The following UBA5 variants were observed in gnomAD, a reference collection of about 807,000 sequenced individuals.
The protein encoded by UBA5 is ubiquitin-like modifier-activating enzyme 5.
Under a neutral mutation model 52.9 loss-of-function variants are expected in UBA5, and 28 were observed. That is an observed-to-expected ratio of 0.53 (90% confidence interval 0.39 to 0.73). The LOEUF is 0.73. UBA5 is among the 30% of genes least tolerant of loss of function. The pLI, the probability that UBA5 is intolerant of heterozygous loss-of-function variation, is 0.00. For missense variants in UBA5, 388 were observed against 492.7 expected, an observed-to-expected ratio of 0.79 and a Z score of 2.01; for synonymous variants, 135 against 162.1, an observed-to-expected ratio of 0.83 and a Z score of 1.27.
rs1483941209 is a variant in UBA5, at chr3:132,676,837, T to C, written c.*311T>C. On this transcript the variant is annotated 3_prime_UTR_variant, in exon 12 of 12. Transcript: ENST00000356232. This position sits in a 1 kb window ranked among gnomAD's most constrained non-coding sequence, Gnocchi z 4.1. Reference sequence around the variant, plus strand: ...TGGGGGAAGGACAAATCTGATCCTGTAATCTTTTTCTTTCCAGTAATCCCT... The same window carrying C: ...TGGGGGAAGGACAAATCTGATCCTGCAATCTTTTTCTTTCCAGTAATCCCT... 12 of 470,908 alleles carry C rather than the reference T, an allele frequency of 2.5e-5. No homozygotes were observed. Among genetic ancestry groups the C allele is most frequent in the Non-Finnish European group, 3.4e-5 (8 of 236,664 alleles). 29.2% of individuals were successfully genotyped at this position (470,908 alleles called of 1,614,324 possible).
chr3:132,676,791 A>C lies in UBA5; in HGVS notation c.*265A>C. 1 of 511,352 alleles carries C rather than the reference A, an allele frequency of 2.0e-6. No homozygotes were observed. Among genetic ancestry groups the C allele is most frequent in the South Asian group, 1.5e-5 (1 of 65,030 alleles). 31.7% of individuals were successfully genotyped at this position (511,352 alleles called of 1,614,324 possible). On this transcript the variant is annotated 3_prime_UTR_variant, in exon 12 of 12. Coordinates refer to ENST00000356232, the MANE Select transcript of UBA5 (RefSeq NM_024818.6). The surrounding 1 kb of genome is among the most constrained non-coding windows in gnomAD (Gnocchi z 4.1). ...ATCTTACTTGAAAACATAGCTGTTG[A>C]AATGTTTTGGCCTTTTGGAGTGGGG... is the stretch of plus-strand genomic sequence containing the variant.
At chr3:132,655,312 G>T (rs562504191) in intron 1 of UBA5, among the ~76,000 whole-genome samples, 56 of 152,058 alleles carry the variant, frequency 3.7e-4, no homozygotes, top group African/African-American at 7.0e-4. Context: ...TGTTTTTTTT[G>T]TTGTTGTTGT....
intron 8 of UBA5, among the ~76,000 whole-genome samples, chr3:132,674,988 G>A (rs913256367): frequency 6.6e-6 from 1 of 151,910 alleles, no homozygotes; most frequent in East Asian, 1.9e-4. Flanking sequence ...CTTTATTAGA[G>A]GTTCAAAAAA....
intron 6 of UBA5, among the ~76,000 whole-genome samples, chr3:132,671,539 C>A (rs914350169): frequency 3.3e-5 from 5 of 151,990 alleles, no homozygotes; most frequent in African/African-American, 7.2e-5. Flanking sequence ...ACAAGAAATC[C>A]AATAAACTTT....
At position 132,660,820 on chromosome 3, in the gene UBA5, G is replaced by C. The variant is rs1938121831; in HGVS notation, c.161+122G>C. The stretch of plus-strand genomic sequence containing the variant: ...GCCCGCCACCCTTTTCTTGGTCTGC[G>C]AATCCTGTTCCCAAATGGGCAAGGC... On this transcript the variant is annotated intron_variant, in intron 1 of 11. Coordinates refer to ENST00000356232, the MANE Select transcript of UBA5 (RefSeq NM_024818.6). This position sits in a 1 kb window ranked among gnomAD's most constrained non-coding sequence, Gnocchi z 4.1. 1.4e-6 allele frequency: 2 copies of C among 1,448,644 alleles called. No homozygotes were observed. The highest frequency in any genetic ancestry group is 2.9e-5 in the African/African-American group (2 of 69,708). 89.7% of individuals were successfully genotyped at this position (1,448,644 alleles called of 1,614,324 possible). A position where few individuals can be genotyped will look rare whatever the true frequency, so the allele number is the denominator to read the frequency against.
At chr3:132,655,546 C>T (rs1296440176), upstream of UBA5, among the ~76,000 whole-genome samples, 3 of 152,222 alleles carry the variant, frequency 2.0e-5, no homozygotes, top group Non-Finnish European at 4.4e-5. Flanking sequence ...CTGGAACACT[C>T]TTTTCCTGGA....
chr3:132,665,616 A>G (rs1423536913), intron 1 of UBA5: 3 of 534,342 alleles, frequency 5.6e-6, no homozygotes, highest in East Asian at 3.0e-5. Flanking sequence ...ATCTTGTTTC[A>G]TATGCTACAC....
Position 132,660,428 on chromosome 3 carries a change from C to G in UBA5, c.-110C>G. ...TCCCCAGGGCTCTGGGCTAGGAAGGCAGCGGCGAGGTGCCTCCCCACGTAC... is the reference window on the plus strand; with the variant it reads ...TCCCCAGGGCTCTGGGCTAGGAAGGGAGCGGCGAGGTGCCTCCCCACGTAC... On this transcript the variant is annotated 5_prime_UTR_variant, in exon 1 of 12. Transcript: ENST00000356232. The surrounding 1 kb of genome is among the most constrained non-coding windows in gnomAD (Gnocchi z 4.1). The G allele has an allele frequency of 1.4e-6, 2 of 1,394,694 alleles. No homozygotes were observed. Among genetic ancestry groups the G allele is most frequent in the Non-Finnish European group, 1.9e-6 (2 of 1,032,392 alleles). 86.4% of individuals were successfully genotyped at this position (1,394,694 alleles called of 1,614,324 possible).
rs577960498 is a variant in UBA5, at chr3:132,679,340, T to C, written c.*2814T>C. Among the ~76,000 whole-genome samples, 1 of 152,216 alleles carries C rather than the reference T, an allele frequency of 6.6e-6. No homozygotes were observed. Among genetic ancestry groups the C allele is most frequent in the East Asian group, 1.9e-4 (1 of 5,162 alleles). The stretch of plus-strand genomic sequence containing the variant: ...CTAACAATTCAGATTTATAATTGAG[T>C]TGTCTGAAAGCTACCTTTTTCATTG... On this transcript the variant is annotated 3_prime_UTR_variant, in exon 12 of 12. Coordinates refer to ENST00000356232, the MANE Select transcript of UBA5 (RefSeq NM_024818.6).
intron 1 of UBA5, among the ~76,000 whole-genome samples, chr3:132,664,671 A>G (rs1938299051): frequency 6.6e-6 from 1 of 152,128 alleles, no homozygotes; most frequent in African/African-American, 2.4e-5. Context: ...TTGTTGATCC[A>G]TAGACACTTT....
In UBA5 at chr3:132,660,496, C is replaced by A; in HGVS notation, c.-42C>A. 1 of 1,543,176 alleles carries A rather than the reference C, an allele frequency of 6.5e-7. No individual in the cohort carries two copies. The highest frequency in any genetic ancestry group is 8.7e-7 in the Non-Finnish European group (1 of 1,145,586). Reference sequence around the variant, plus strand: ...GAGCAACGTGGGGCGAAGGCGGCGGCGAAGGCCCGGGCTGGGAGCGTTGGC... The same window carrying A: ...GAGCAACGTGGGGCGAAGGCGGCGGAGAAGGCCCGGGCTGGGAGCGTTGGC... On this transcript the variant is annotated 5_prime_UTR_variant, in exon 1 of 12. Transcript: ENST00000356232. The surrounding 1 kb of genome is among the most constrained non-coding windows in gnomAD (Gnocchi z 4.1).
chr3:132,654,853 C>A (rs568221454), intron 1 of UBA5, among the ~76,000 whole-genome samples: 3 of 152,166 alleles, frequency 2.0e-5, no homozygotes, highest in Admixed American at 1.3e-4. Flanking sequence ...GGCACTGATT[C>A]GTTGTGAAAC....
chr3:132,660,326 G>T, upstream of UBA5: 2 of 623,900 alleles, frequency 3.2e-6, no homozygotes, highest in Non-Finnish European at 5.5e-6. This position sits in a 1 kb window ranked among gnomAD's most constrained non-coding sequence, Gnocchi z 4.1. Flanking sequence ...CGATGTCTGC[G>T]ACGCACCGGA....
At chr3:132,660,223 C>A, upstream of UBA5, 1 of 508,760 alleles carries the variant, frequency 2.0e-6, no homozygotes, top group Non-Finnish European at 3.5e-6. This position sits in a 1 kb window ranked among gnomAD's most constrained non-coding sequence, Gnocchi z 4.1. Flanking sequence ...GCCTCCTGCC[C>A]TGGACACTTA....
chr3:132,671,073 T>TA, intron 6 of UBA5, 24 bp downstream of exon 6: 1 of 1,577,958 alleles, frequency 6.3e-7, no homozygotes, highest in East Asian at 2.3e-5. Context: ...CTGTGCAAGA[T>TA]ATATTCATGG....
At chr3:132,659,775 A>G, upstream of UBA5, 1 of 1,571,732 alleles carries the variant, frequency 6.4e-7, no homozygotes, top group Non-Finnish European at 8.6e-7. Flanking sequence ...GGCCACAGCA[A>G]CGCGGCATCC....
intron 3 of UBA5, chr3:132,668,349 C>G (rs1424492363): frequency 6.5e-6 from 1 of 153,202 alleles, no homozygotes; most frequent in Admixed American, 6.5e-5. Flanking sequence ...TTTTAAGTTA[C>G]AGCACTTGTT....
intron 1 of UBA5, among the ~76,000 whole-genome samples, chr3:132,661,287 A>G (rs1308406836): frequency 6.6e-6 from 1 of 152,202 alleles, no homozygotes; most frequent in African/African-American, 2.4e-5. Context: ...ACTGATTGCA[A>G]TTCAAATCTA....
chr3:132,668,601 GTGT>G (rs1938474161), intron 3 of UBA5: 1 of 330,950 alleles, frequency 3.0e-6, no homozygotes, highest in Non-Finnish European at 5.5e-6. Flanking sequence ...CTTTGGACAA[GTGT>G]TGTAGTTGCC....
Sources: gnomAD v4.1 joint callset for allele counts (sites outside exome capture counted in the v4.1 genomes callset) on GRCh38, gnomAD v4.1.1 for gene constraint, Gnocchi (gnomAD v3.1) non-coding constraint, MANE v1.5 for transcripts, NCBI Gene and HGNC (gene_info 2026-07-23, HGNC 2026-07-21) for gene names.